The following FARP1 variants were observed in gnomAD, a reference collection of about 807,000 sequenced individuals.
FARP1 encodes FERM, ARHGEF and pleckstrin domain-containing protein 1.
In FARP1, 52 loss-of-function variants were observed where a neutral mutation model predicts 128.8. That is an observed-to-expected ratio of 0.40 (90% confidence interval 0.32 to 0.51). The LOEUF (loss-of-function observed/expected upper bound fraction) is 0.51, where lower values mean the gene tolerates loss of function less well. Among genes scored for constraint, FARP1 ranks in the 20% least tolerant of loss-of-function variants. FARP1 has a pLI of 0.45. For synonymous variants in FARP1, 580 were observed against 551.8 expected, an observed-to-expected ratio of 1.05 and a Z score of -0.72; for missense variants, 1,333 against 1,367.9, an observed-to-expected ratio of 0.97 and a Z score of 0.40.
chr13:98,256,081 C>A (rs1883572620), intron 2 of FARP1, among the ~76,000 whole-genome samples: 1 of 152,196 alleles, frequency 6.6e-6, no homozygotes, highest in African/African-American at 2.4e-5. Flanking sequence ...CTAGGAGGTG[C>A]TCTTACAGAG....
At chr13:98,307,760 G>T (rs1371969245) in intron 2 of FARP1, among the ~76,000 whole-genome samples, 1 of 152,022 alleles carries the variant, frequency 6.6e-6, no homozygotes, top group African/African-American at 2.4e-5. Context: ...AAGCCTCTCC[G>T]GTCCCTTACG....
intron 2 of FARP1, among the ~76,000 whole-genome samples, chr13:98,334,815 G>A (rs949029598): frequency 6.6e-6 from 1 of 152,216 alleles, no homozygotes; most frequent in African/African-American, 2.4e-5. Flanking sequence ...ACAAGGAGAA[G>A]GTGGCCATCT....
chr13:98,322,660 G>A (rs1478509252), intron 2 of FARP1, among the ~76,000 whole-genome samples: 1 of 152,230 alleles, frequency 6.6e-6, no homozygotes, highest in Non-Finnish European at 1.5e-5. Context: ...TTGTGTGATA[G>A]GAAGAAGGCA....
chr13:98,171,669 G>C (rs1877661603), intron 1 of FARP1, among the ~76,000 whole-genome samples: 1 of 152,116 alleles, frequency 6.6e-6, no homozygotes, highest in African/African-American at 2.4e-5. Flanking sequence ...TACTGTAATA[G>C]CAGTAATCAT....
At chr13:98,395,847 C>T in intron 13 of FARP1, 1 of 400,968 alleles carries the variant, frequency 2.5e-6, no homozygotes, top group Non-Finnish European at 4.4e-6. Context: ...CGGCTGGTCA[C>T]AGCCCCCTGG....
At chr13:98,434,600 T>C (rs190541937) in intron 18 of FARP1, 1 of 152,232 alleles carries the variant, frequency 6.6e-6, no homozygotes, top group African/African-American at 2.4e-5. Flanking sequence ...CCCAAACTTG[T>C]CAGCCACTGG....
chr13:98,444,862 A>G (rs1474050228), intron 24 of FARP1, among the ~76,000 whole-genome samples: 2 of 152,212 alleles, frequency 1.3e-5, no homozygotes, highest in Non-Finnish European at 2.9e-5. Flanking sequence ...GCGTGACCCA[A>G]GATGCCGCAT....
chr13:98,318,517 T>C (rs941906350), intron 2 of FARP1, among the ~76,000 whole-genome samples: 1 of 152,256 alleles, frequency 6.6e-6, no homozygotes, highest in Non-Finnish European at 1.5e-5. Context: ...TCCATAGCAG[T>C]GTCAAAGCTG....
chr13:98,443,313 A>T (rs1483308936), intron 24 of FARP1, among the ~76,000 whole-genome samples: 1 of 152,198 alleles, frequency 6.6e-6, no homozygotes, highest in Non-Finnish European at 1.5e-5. Context: ...CACCTAGTAC[A>T]GTCAGGGACC....
chr13:98,421,167 C>T (rs568734868), intron 16 of FARP1, among the ~76,000 whole-genome samples: 9 of 152,314 alleles, frequency 5.9e-5, no homozygotes, highest in Admixed American at 5.2e-4. Context: ...CAACCCAGAG[C>T]CTTCTCTACC....
chr13:98,411,085 A>G (rs1054674203), intron 15 of FARP1, among the ~76,000 whole-genome samples: 2 of 152,230 alleles, frequency 1.3e-5, no homozygotes, highest in Admixed American at 6.5e-5. Context: ...ACATTTTACC[A>G]TCTGTGTGCA....
chr13:98,209,051 C>T (rs1187610635), intron 1 of FARP1, among the ~76,000 whole-genome samples: 1 of 152,158 alleles, frequency 6.6e-6, no homozygotes, highest in African/African-American at 2.4e-5. Flanking sequence ...CTCTGTCACC[C>T]AGGCTGGAGT....
In FARP1 at chr13:98,449,504, A is replaced by C. The variant is rs920639637; in HGVS notation, c.*1187A>C. 6.6e-6 allele frequency: 1 copy of C among 152,322 alleles called. No homozygotes were observed. Among genetic ancestry groups the C allele is most frequent in the African/African-American group, 2.4e-5 (1 of 41,364 alleles). 9.4% of individuals were successfully genotyped at this position (152,322 alleles called of 1,614,324 possible). A position where few individuals can be genotyped will look rare whatever the true frequency, so the allele number is the denominator to read the frequency against. ...GCCCTTTCTAACGAGAGTCTCAAAC[A>C]AGCGGAGGCGAGGGCCAATTCAACC... On this transcript the variant is annotated 3_prime_UTR_variant, in exon 27 of 27. Transcript: ENST00000319562.
chr13:98,319,156 G>A (rs1337362904), intron 2 of FARP1, among the ~76,000 whole-genome samples: 1 of 151,496 alleles, frequency 6.6e-6, no homozygotes, highest in Admixed American at 6.6e-5. Context: ...GTAGAGATGG[G>A]GTGTTGCTAT....
At chr13:98,367,133 A>AGATGATGAT (rs111823714) in intron 4 of FARP1, among the ~76,000 whole-genome samples, 262 of 148,704 alleles carry the variant, frequency 1.8e-3, no homozygotes, top group East Asian at 4.0e-3. Context: ...TGCAAATCAC[A>AGATGATGAT]GATGATGATG....
At chr13:98,262,134 A>G (rs1594333987) in intron 2 of FARP1, among the ~76,000 whole-genome samples, 2 of 144,188 alleles carry the variant, frequency 1.4e-5, no homozygotes, top group Admixed American at 7.0e-5. Context: ...TCCAGCTTCA[A>G]CCTCCCAAGT....
rs1555329642 is a variant in FARP1 at position 98,232,147 on chromosome 13, T to TTTTTTTG, written c.171+18740_171+18741insGTTTTTT. ...GCCCGGCTTTTTTTGTTTGGTTGGTTTTTTTTTTTTTTTTTTTTTGCTTAA... is the reference window on the plus strand; with the variant it reads ...GCCCGGCTTTTTTTGTTTGGTTGGTTTTTTTTGTTTTTTTTTTTTTTTTTTTGCTTAA... On this transcript the variant is annotated intron_variant, in intron 2 of 26. Coordinates refer to ENST00000319562, the MANE Select transcript of FARP1 (RefSeq NM_005766.4). Among the ~76,000 whole-genome samples the TTTTTTTG allele has an allele frequency of 1.5e-5, 2 of 133,656 alleles. 1 individual carries two copies. The highest frequency in any genetic ancestry group is 3.0e-5 in the Non-Finnish European group (2 of 65,582). The allele number at this position is 133,656 out of a possible 152,430, so 87.7% of individuals were successfully genotyped here.
rs4771299 is a variant in FARP1 at position 98,253,732 on chromosome 13, T to G, written c.171+40319T>G. Among the ~76,000 whole-genome samples, 32 of 152,134 alleles carry G rather than the reference T, an allele frequency of 2.1e-4. 2 individuals are homozygous for G. In the East Asian group the frequency reaches 5.8e-3, roughly 28 times the overall value. ...CCCAGATGTTTCCAGCCAGATGTGC[T>G]CTGCTCTTGGCCTTTTATTTTATAG... On this transcript the variant is annotated intron_variant, in intron 2 of 26. Coordinates refer to ENST00000319562, the MANE Select transcript of FARP1 (RefSeq NM_005766.4).
At position 98,448,740 on chromosome 13, in the gene FARP1, T is replaced by C. The variant is rs200553607; in HGVS notation, c.*423T>C. ...ATTTTACGAAGTGGACTTCCCGGTG[T>C]TTGTTTGTTTGTTTGCAATACACTC... On this transcript the variant is annotated 3_prime_UTR_variant, in exon 27 of 27. Coordinates refer to ENST00000319562, the MANE Select transcript of FARP1 (RefSeq NM_005766.4). The C allele has an allele frequency of 3.2e-5, 1 of 31,540 alleles. No individual in the cohort carries two copies. Among genetic ancestry groups the C allele is most frequent in the African/African-American group, 9.6e-5 (1 of 10,444 alleles). The allele number at this position is 31,540 out of a possible 1,614,324, so 2.0% of individuals were successfully genotyped here. A position where few individuals can be genotyped will look rare whatever the true frequency, so the allele number is the denominator to read the frequency against.
Sources: allele counts gnomAD v4.1 joint callset (sites outside exome capture counted in the v4.1 genomes callset), GRCh38; gene constraint gnomAD v4.1.1; transcripts MANE v1.5; gene names NCBI Gene and HGNC (gene_info 2026-07-23, HGNC 2026-07-21).